SIK3: variants seen among roughly 807,000 people sequenced by gnomAD.
The protein encoded by SIK3 is serine/threonine-protein kinase SIK3.
In SIK3, 28 loss-of-function variants were observed where a neutral mutation model predicts 144.2. The ratio of observed to expected loss-of-function variants is 0.19; its 90% CI spans 0.14 to 0.27. The LOEUF is 0.27. SIK3 is among the 10% of genes least tolerant of loss of function. SIK3 has a pLI of 1.00. For missense variants in SIK3, 1,319 were observed against 1,776.0 expected, an observed-to-expected ratio of 0.74 and a Z score of 4.62; for synonymous variants, 686 against 676.3, an observed-to-expected ratio of 1.01 and a Z score of -0.22.
At chr11:116,860,683 T>A (rs1250147366) in intron 19 of SIK3, among the ~76,000 whole-genome samples, 2 of 152,264 alleles carry the variant, frequency 1.3e-5, no homozygotes, top group African/African-American at 4.8e-5. Flanking sequence ...ATCTACATAC[T>A]GTACCATAAT....
At chr11:116,902,977 A>T (rs1183244235) in intron 4 of SIK3, among the ~76,000 whole-genome samples, 1 of 152,214 alleles carries the variant, frequency 6.6e-6, no homozygotes, top group East Asian at 1.9e-4. Flanking sequence ...CTTCCCTACC[A>T]GTGGCTCTTT....
chr11:116,951,722 C>T (rs1361562299), intron 3 of SIK3, among the ~76,000 whole-genome samples: 2 of 151,938 alleles, frequency 1.3e-5, no homozygotes, highest in Admixed American at 1.3e-4. Flanking sequence ...ATTGCTACAG[C>T]CCAGGAGTTC....
chr11:116,990,297 T>G (rs1479555900), intron 1 of SIK3, among the ~76,000 whole-genome samples: 2 of 151,994 alleles, frequency 1.3e-5, no homozygotes, highest in Non-Finnish European at 1.5e-5. Flanking sequence ...AGGCCAAGAG[T>G]GTCTAGACCT....
chr11:116,944,104 CT>C (rs375186991), intron 3 of SIK3, among the ~76,000 whole-genome samples: 2 of 152,196 alleles, frequency 1.3e-5, no homozygotes, highest in African/African-American at 4.8e-5. Context: ...ACTAAGTTGT[CT>C]ATAGCCAAGG....
intron 1 of SIK3, among the ~76,000 whole-genome samples, chr11:117,072,702 A>C (rs556595304): frequency 6.6e-6 from 1 of 152,352 alleles, no homozygotes; most frequent in South Asian, 2.1e-4. Context: ...GCTTACCACA[A>C]TTAAGGCAAG....
chr11:117,041,548 C>A (rs1050575800), intron 1 of SIK3, among the ~76,000 whole-genome samples: 3 of 152,136 alleles, frequency 2.0e-5, no homozygotes, highest in Non-Finnish European at 4.4e-5. Flanking sequence ...TTCTAGAAAA[C>A]TTTGATGCTA....
intron 4 of SIK3, among the ~76,000 whole-genome samples, chr11:116,926,983 T>A (rs1449603173): frequency 1.4e-5 from 2 of 144,482 alleles, no homozygotes; most frequent in Non-Finnish European, 3.0e-5. Context: ...ACTGCACCAC[T>A]GCACTCCAGC....
Position 116,873,354 on chromosome 11 carries a change from G to A in SIK3, c.1737+127C>T, listed in dbSNP as rs1944061791. The A allele has an allele frequency of 5.5e-6, 7 of 1,268,216 alleles. No individual in the cohort carries two copies. The Admixed American group carries it at 6.2e-5, about 11-fold the overall frequency. 78.6% of individuals were successfully genotyped at this position (1,268,216 alleles called of 1,614,324 possible). On this transcript the variant is annotated intron_variant, in intron 13 of 24. Transcript: ENST00000445177. ...ACTGGCCTGAAGAAAATGGGCTGGAGCATCCTAAGTTTGGAGAAAAAGGAA... is the reference window on the plus strand; with the variant it reads ...ACTGGCCTGAAGAAAATGGGCTGGAACATCCTAAGTTTGGAGAAAAAGGAA...
At chr11:117,080,866 C>G (rs372567135) in intron 1 of SIK3, among the ~76,000 whole-genome samples, 4 of 151,902 alleles carry the variant, frequency 2.6e-5, no homozygotes, top group Non-Finnish European at 5.9e-5. Flanking sequence ...GAGAATCACT[C>G]GAATCTGGGA....
intron 1 of SIK3, among the ~76,000 whole-genome samples, chr11:117,048,112 G>C (rs994336019): frequency 3.3e-5 from 5 of 152,104 alleles, no homozygotes; most frequent in African/African-American, 1.2e-4. Flanking sequence ...AGTTCACTCT[G>C]CTAAGGAATA....
chr11:116,867,139 C>T lies in SIK3; in HGVS notation c.1952+807G>A, dbSNP rs998924328. 6.6e-6 allele frequency among the ~76,000 whole-genome samples: 1 copy of T among 152,170 alleles called. No individual in the cohort carries two copies. Among genetic ancestry groups the T allele is most frequent in the Admixed American group, 6.5e-5 (1 of 15,280 alleles). On this transcript the variant is annotated intron_variant, in intron 15 of 24. Transcript: ENST00000445177. The surrounding 1 kb of genome is among the most constrained non-coding windows in gnomAD (Gnocchi z 4.1). The stretch of plus-strand genomic sequence containing the variant: ...CCCAAGGCTGCTTTTCAGTGTCCTC[C>T]CCAAAAGACAGAAATAAAATACGCT...
intron 1 of SIK3, among the ~76,000 whole-genome samples, chr11:117,056,337 G>C (rs1359385744): frequency 2.6e-5 from 4 of 152,038 alleles, no homozygotes; most frequent in Non-Finnish European, 5.9e-5. Context: ...AGAACACTCG[G>C]ACACAGGAAG....
chr11:117,017,151 G>C (rs115790378), intron 1 of SIK3, among the ~76,000 whole-genome samples: 7,004 of 152,294 alleles, frequency 0.046, 540 homozygotes, highest in African/African-American at 0.16. Flanking sequence ...CAGCTACTTG[G>C]AAGGCTGAGG....
At chr11:116,972,376 G>A (rs539720689) in intron 1 of SIK3, among the ~76,000 whole-genome samples, 1 of 152,238 alleles carries the variant, frequency 6.6e-6, no homozygotes, top group East Asian at 1.9e-4. Context: ...ACTAATAAAA[G>A]AATGGATGAC....
At chr11:117,007,595 T>C (rs1951097447) in intron 1 of SIK3, among the ~76,000 whole-genome samples, 1 of 152,224 alleles carries the variant, frequency 6.6e-6, no homozygotes, top group Non-Finnish European at 1.5e-5. Flanking sequence ...GTTTGTGTTA[T>C]GTGTGTTGGG....
At chr11:116,993,264 T>A (rs891104172) in intron 1 of SIK3, among the ~76,000 whole-genome samples, 46 of 152,254 alleles carry the variant, frequency 3.0e-4, no homozygotes, top group Non-Finnish European at 5.3e-4. Flanking sequence ...ACTGATTTTT[T>A]AAAAAAATAA....
intron 4 of SIK3, among the ~76,000 whole-genome samples, chr11:116,925,759 C>A (rs1263993992): frequency 6.6e-6 from 1 of 152,162 alleles, no homozygotes; most frequent in Non-Finnish European, 1.5e-5. Context: ...TTCCATGCCA[C>A]ACACCTTTGT....
intron 1 of SIK3, among the ~76,000 whole-genome samples, chr11:117,068,552 C>T (rs1396859890): frequency 6.6e-6 from 1 of 152,176 alleles, no homozygotes; most frequent in African/African-American, 2.4e-5. Context: ...AGTTTGAAAC[C>T]AGCCTGGGCA....
rs540023592 is a variant in SIK3 at position 116,973,993 on chromosome 11, G to A, written c.274-16929C>T. On this transcript the variant is annotated intron_variant, in intron 1 of 24. Coordinates refer to ENST00000445177, the MANE Select transcript of SIK3 (RefSeq NM_001366686.3). ...AAAGGACATTTTGGTAAAAACTAAC[G>A]GAATTTGAGTAAAGTATGAACTTTA... Among the ~76,000 whole-genome samples, 6 of 152,172 alleles carry A rather than the reference G, an allele frequency of 3.9e-5. No individual in the cohort carries two copies. In the South Asian group the frequency reaches 6.2e-4, roughly 16 times the overall value.
Sources: gnomAD v4.1 joint callset for allele counts (sites outside exome capture counted in the v4.1 genomes callset) on GRCh38, gnomAD v4.1.1 for gene constraint, Gnocchi (gnomAD v3.1) non-coding constraint, MANE v1.5 for transcripts, NCBI Gene and HGNC (gene_info 2026-07-23, HGNC 2026-07-21) for gene names.